The following POU2F2 variants were observed in gnomAD, a reference collection of about 807,000 sequenced individuals.
The protein encoded by POU2F2 is POU class 2 homeobox 2.
Under a neutral mutation model 63.5 loss-of-function variants are expected in POU2F2, and 14 were observed. The ratio of observed to expected loss-of-function variants is 0.22; its 90% CI spans 0.15 to 0.34. The LOEUF is 0.34. POU2F2 is among the 10% of genes least tolerant of loss of function. The pLI is 1.00. For synonymous variants in POU2F2, 306 were observed against 348.6 expected (o/e 0.88, Z 1.36); for missense variants, 607 against 815.2 (o/e 0.74, Z 3.11).
upstream of POU2F2, chr19:42,132,762 G>A (rs1224061638): frequency 9.7e-6 from 3 of 309,248 alleles, no homozygotes; most frequent in African/African-American, 4.3e-5. Context: ...GGGAGAGAAG[G>A]TGGGTCCACA....
At position 42,091,339 on chromosome 19, in the gene POU2F2, G is replaced by A; in HGVS notation, c.1793C>T (p.Ser598Phe). 2 of 1,535,732 alleles carry A rather than the reference G, an allele frequency of 1.3e-6. No homozygotes were observed. The highest frequency in any genetic ancestry group is 1.7e-6 in the Non-Finnish European group (2 of 1,146,798). Residue 598 changes from serine to phenylalanine, a missense_variant, in exon 15 of 15, where the codon TCC (serine) becomes TTC (phenylalanine). Transcript: ENST00000692977. The stretch of plus-strand genomic sequence containing the variant: ...CGTCTCGCTGCAAGTGGAGGAGGAG[G>A]AGGATGAGGATGAAGAGGATGAGGA... Reference protein sequence around the residue: ...LSSSSSSSSSSSSSTCSETAA... With the variant: ...LSSSSSSSSSFSSSTCSETAA...
Position 42,101,310 on chromosome 19 carries a change from C to T in POU2F2, c.370-1489G>A, listed in dbSNP as rs148069843. Among the ~76,000 whole-genome samples the T allele has an allele frequency of 6.5e-3, 994 of 151,820 alleles. 14 individuals carry two copies. The highest frequency in any genetic ancestry group is 0.023 in the African/African-American group (951 of 41,356). On this transcript the variant is annotated intron_variant, in intron 5 of 14. Transcript: ENST00000692977. ...TAAGTTGGAATCCTAACCCCCAGAA[C>T]CTCAGAGATTAACCCTATTTGGAGA...
chr19:42,143,001 G>A (rs565591411), intron 2 of POU2F2, among the ~76,000 whole-genome samples: 3 of 152,286 alleles, frequency 2.0e-5, no homozygotes, highest in Admixed American at 6.5e-5. Flanking sequence ...AGGGACACAC[G>A]GGGTGGGGCT....
chr19:42,097,421 T>C (rs2076964290), intron 7 of POU2F2, among the ~76,000 whole-genome samples: 1 of 151,828 alleles, frequency 6.6e-6, no homozygotes, highest in Non-Finnish European at 1.5e-5. Context: ...GGTCTCGAAC[T>C]CCCGACCTCA....
rs1362503458 is a variant in POU2F2, at chr19:42,086,316, C to T, written c.*4941G>A. The T allele has an allele frequency of 6.6e-6, 1 of 152,140 alleles. No individual in the cohort carries two copies. Among genetic ancestry groups the T allele is most frequent in the African/African-American group, 2.4e-5 (1 of 41,400 alleles). The allele number at this position is 152,140 out of a possible 1,614,324, so 9.4% of individuals were successfully genotyped here. On this transcript the variant is annotated 3_prime_UTR_variant, in exon 15 of 15. Coordinates refer to ENST00000692977, the MANE Select transcript of POU2F2 (RefSeq NM_001394376.1). ...AGGAAGGGAAGGAAGGGGCTACCAA[C>T]ACAGGGGTCAGACGGAACTGAAAGG... is the stretch of plus-strand genomic sequence containing the variant.
intron 1 of POU2F2, among the ~76,000 whole-genome samples, chr19:42,128,936 G>T (rs192257291): frequency 1.6e-3 from 249 of 151,936 alleles, no homozygotes; most frequent in Admixed American, 2.9e-3. Flanking sequence ...GGGTTCAAGC[G>T]ATTCTCCTGC....
chr19:42,138,280 A>G (rs558017210), intron 2 of POU2F2, among the ~76,000 whole-genome samples: 1 of 152,316 alleles, frequency 6.6e-6, no homozygotes, highest in Admixed American at 6.5e-5. Context: ...GAAGTCAAGA[A>G]TGAGGTCCAG....
chr19:42,104,013 T>C (rs1164357014), intron 5 of POU2F2, among the ~76,000 whole-genome samples: 1 of 152,142 alleles, frequency 6.6e-6, no homozygotes, highest in Non-Finnish European at 1.5e-5. Context: ...AAAAAAGTAG[T>C]GATTACAAAT....
At chr19:42,180,361 A>G (rs1568426599), upstream of POU2F2, among the ~76,000 whole-genome samples, 1 of 152,216 alleles carries the variant, frequency 6.6e-6, no homozygotes, top group Non-Finnish European at 1.5e-5. Flanking sequence ...TGGGGTCCCA[A>G]TAGTGAGGAG....
upstream of POU2F2, among the ~76,000 whole-genome samples, chr19:42,176,824 C>G (rs931400091): frequency 6.6e-6 from 1 of 151,672 alleles, no homozygotes; most frequent in Non-Finnish European, 1.5e-5. Flanking sequence ...GGCTGACAGC[C>G]GGAGCGCGGT....
At chr19:42,122,458 C>T (rs1397577343) in intron 2 of POU2F2, 53 bp downstream of exon 2, 1 of 1,608,190 alleles carries the variant, frequency 6.2e-7, no homozygotes, top group Non-Finnish European at 8.5e-7. Context: ...TCCCATCTGT[C>T]CCACTTCCCC....
At chr19:42,127,090 T>G (rs1453811803) in intron 1 of POU2F2, among the ~76,000 whole-genome samples, 1 of 151,868 alleles carries the variant, frequency 6.6e-6, no homozygotes, top group Non-Finnish European at 1.5e-5. Context: ...GGACTACAGC[T>G]GTGCACCACC....
intron 2 of POU2F2, among the ~76,000 whole-genome samples, chr19:42,139,210 C>G (rs1022183146): frequency 6.6e-6 from 1 of 152,188 alleles, no homozygotes; most frequent in Non-Finnish European, 1.5e-5. Context: ...GTCCCAGCTA[C>G]TTGAGAAACT....
chr19:42,124,831 T>C (rs1232897195), intron 1 of POU2F2, among the ~76,000 whole-genome samples: 3 of 152,184 alleles, frequency 2.0e-5, no homozygotes, highest in Non-Finnish European at 2.9e-5. Flanking sequence ...TAATTTATGA[T>C]TCCAATTACA....
chr19:42,140,474 C>T (rs1355590674), intron 2 of POU2F2, among the ~76,000 whole-genome samples: 1 of 152,224 alleles, frequency 6.6e-6, no homozygotes, highest in Non-Finnish European at 1.5e-5. Flanking sequence ...AGGAGTACCA[C>T]ACCTCAGCCA....
At chr19:42,167,917 G>T (rs1366980335) in intron 1 of POU2F2, among the ~76,000 whole-genome samples, 1 of 152,202 alleles carries the variant, frequency 6.6e-6, no homozygotes, top group African/African-American at 2.4e-5. Flanking sequence ...CCAGACTGAG[G>T]ACTACTCTAG....
At chr19:42,120,366 A>C (rs1239376591) in intron 4 of POU2F2, among the ~76,000 whole-genome samples, 1 of 151,816 alleles carries the variant, frequency 6.6e-6, no homozygotes, top group Non-Finnish European at 1.5e-5. Context: ...GATTACAGGC[A>C]CTCACCACCA....
chr19:42,125,446 C>T (rs951229332), intron 1 of POU2F2, among the ~76,000 whole-genome samples: 2 of 151,870 alleles, frequency 1.3e-5, no homozygotes, highest in Non-Finnish European at 2.9e-5. Context: ...GGTCCTGTTT[C>T]CTGGCCCTGG....
chr19:42,174,967 A>C (rs547920343), intron 1 of POU2F2, among the ~76,000 whole-genome samples: 37 of 152,134 alleles, frequency 2.4e-4, no homozygotes, highest in Non-Finnish European at 4.4e-4. Context: ...CATCAGGCCA[A>C]AGGCTTTCTC....
Sources: gnomAD v4.1 joint callset for allele counts (sites outside exome capture counted in the v4.1 genomes callset) on GRCh38, gnomAD v4.1.1 for gene constraint, MANE v1.5 for transcripts, NCBI Gene and HGNC (gene_info 2026-07-23, HGNC 2026-07-21) for gene names.